Variants in CAPN7 observed in about 807,000 individuals in gnomAD.
The protein encoded by CAPN7 is calpain 7.
Under a neutral mutation model 115.2 loss-of-function variants are expected in CAPN7, and 72 were observed. The ratio of observed to expected loss-of-function variants is 0.63; its 90% CI spans 0.52 to 0.76. The LOEUF is 0.76. CAPN7 is among the 30% of genes least tolerant of loss of function. The pLI is 0.00. For synonymous variants in CAPN7, 344 were observed against 322.3 expected, an observed-to-expected ratio of 1.07 and a Z score of -0.72; for missense variants, 905 against 971.5, an observed-to-expected ratio of 0.93 and a Z score of 0.91.
chr3:15,207,767 C>T (rs1266195662), intron 1 of CAPN7, among the ~76,000 whole-genome samples: 1 of 151,916 alleles, frequency 6.6e-6, no homozygotes, highest in African/African-American at 2.4e-5. Flanking sequence ...TCTTCAGGAG[C>T]AATAACAGGA....
At chr3:15,216,596 T>A (rs1165225269) in intron 2 of CAPN7, among the ~76,000 whole-genome samples, 1 of 152,178 alleles carries the variant, frequency 6.6e-6, no homozygotes, top group Non-Finnish European at 1.5e-5. Flanking sequence ...TGAAAATACA[T>A]AACATATTCT....
rs763323221 is a variant in CAPN7 at position 15,222,784 on chromosome 3, A to C, written c.639-691A>C. ...AAGTTTTCATTATCTTTCCAAAATAAGGCTGTACATAGTCCCAACAATCAT... is the reference window on the plus strand; with the variant it reads ...AAGTTTTCATTATCTTTCCAAAATACGGCTGTACATAGTCCCAACAATCAT... On this transcript the variant is annotated intron_variant, in intron 5 of 20. Coordinates refer to ENST00000253693, the MANE Select transcript of CAPN7 (RefSeq NM_014296.3). Among the ~76,000 whole-genome samples the C allele has an allele frequency of 1.4e-4, 22 of 152,336 alleles. No homozygotes were observed. In the Middle Eastern group the frequency reaches 0.014, roughly 94 times the overall value.
intron 11 of CAPN7, 71 bp downstream of exon 11, chr3:15,234,044 G>T (rs760814315): frequency 3.2e-5 from 27 of 830,982 alleles, no homozygotes; most frequent in Non-Finnish European, 5.4e-5. Flanking sequence ...GGCTGGGCGT[G>T]GTGGGTCATG....
chr3:15,221,037 T>C, intron 5 of CAPN7, 56 bp downstream of exon 5: 1 of 1,386,606 alleles, frequency 7.2e-7, no homozygotes, highest in Non-Finnish European at 1.0e-6. Flanking sequence ...GAATGCAGAA[T>C]TTTATTTTCA....
At position 15,234,982 on chromosome 3, in the gene CAPN7, A is replaced by G. The variant is rs747151720; in HGVS notation, c.1287-43A>G. 16 of 1,563,966 alleles carry G rather than the reference A, an allele frequency of 1.0e-5. No individual in the cohort carries two copies. The South Asian group carries it at 1.7e-4, about 16-fold the overall frequency. On this transcript the variant is annotated intron_variant, in intron 11 of 20. Coordinates refer to ENST00000253693, the MANE Select transcript of CAPN7 (RefSeq NM_014296.3). The stretch of plus-strand genomic sequence containing the variant: ...TAAAATGGTGTGATCTTAGATTACA[A>G]ATGTGTTTTACTTTAATTAATTGTC...
chr3:15,240,675 A>T (rs1695289294), intron 13 of CAPN7, 58 bp downstream of exon 13: 2 of 1,540,990 alleles, frequency 1.3e-6, no homozygotes, highest in South Asian at 2.4e-5. Context: ...ACATGTTTTA[A>T]CAAGACAAAA....
chr3:15,245,168 ACTT>A (rs1695584095), intron 16 of CAPN7, among the ~76,000 whole-genome samples: 1 of 150,840 alleles, frequency 6.6e-6, no homozygotes, highest in Non-Finnish European at 1.5e-5. Context: ...ATTTTTATAT[ACTT>A]CTTTTTATTT....
intron 6 of CAPN7, among the ~76,000 whole-genome samples, chr3:15,227,263 C>G (rs1694376959): frequency 6.6e-6 from 1 of 152,106 alleles, no homozygotes; most frequent in South Asian, 2.1e-4. Context: ...GATTCAGATG[C>G]CAGTTCTGCT....
intron 12 of CAPN7, among the ~76,000 whole-genome samples, chr3:15,239,443 A>T (rs1439472771): frequency 6.6e-6 from 1 of 152,212 alleles, no homozygotes; most frequent in African/African-American, 2.4e-5. Flanking sequence ...TTTACTAAGC[A>T]TTTACCTTTA....
chr3:15,217,831 A>C (rs1164740150), intron 3 of CAPN7, among the ~76,000 whole-genome samples: 1 of 152,258 alleles, frequency 6.6e-6, no homozygotes, highest in Non-Finnish European at 1.5e-5. Flanking sequence ...CTGTTCTTAC[A>C]ACTAAAATAA....
intron 6 of CAPN7, among the ~76,000 whole-genome samples, chr3:15,226,699 T>C (rs1232370145): frequency 6.6e-6 from 1 of 152,184 alleles, no homozygotes; most frequent in Non-Finnish European, 1.5e-5. Flanking sequence ...AGATATGTTA[T>C]ATGCCATATT....
chr3:15,241,621 G>T (rs760314773), intron 15 of CAPN7, 33 bp downstream of exon 15: 1 of 1,591,548 alleles, frequency 6.3e-7, no homozygotes, highest in Non-Finnish European at 8.6e-7. Flanking sequence ...ATCCCATACA[G>T]AAATTTTTTT....
chr3:15,240,650 ATTC>A lies in CAPN7; in HGVS notation c.1552+37_1552+39del, dbSNP rs1409878086. ...TATCTTTTTAATTTTAATACCATTT[ATTC>A]TTCAAAAAAAAACATGTTTTAACAA... On this transcript the variant is annotated intron_variant, in intron 13 of 20. Transcript: ENST00000253693. The A allele has an allele frequency of 4.5e-6, 7 of 1,564,758 alleles. No homozygotes were observed. The Admixed American group carries it at 1.4e-4, about 31-fold the overall frequency.
At chr3:15,212,334 C>T in intron 2 of CAPN7, 122 bp downstream of exon 2, 1 of 560,822 alleles carries the variant, frequency 1.8e-6, no homozygotes. Flanking sequence ...TCTGTTGCTG[C>T]TCATTCCACT....
chr3:15,229,561 CTTTT>C (rs566957976), intron 8 of CAPN7, among the ~76,000 whole-genome samples: 4,379 of 87,886 alleles, frequency 0.05, 429 homozygotes, highest in African/African-American at 0.17. Context: ...TACTTTTTTT[CTTTT>C]TTTTTTTTTT....
chr3:15,242,096 A>AT (rs1416600529), intron 15 of CAPN7, 82 bp from the exon 16 acceptor site: 9 of 885,548 alleles, frequency 1.0e-5, no homozygotes, highest in Middle Eastern at 2.1e-4. Flanking sequence ...GATTTAGAGC[A>AT]TTTTTTTGGA....
At chr3:15,212,679 A>G (rs1353416320) in intron 2 of CAPN7, among the ~76,000 whole-genome samples, 1 of 152,218 alleles carries the variant, frequency 6.6e-6, no homozygotes, top group African/African-American at 2.4e-5. Flanking sequence ...TGGGAAAGTG[A>G]CATGTAAACA....
intron 18 of CAPN7, 193 bp from the exon 19 acceptor site, chr3:15,247,134 G>T (rs750872121): frequency 1.4e-4 from 78 of 577,344 alleles, no homozygotes; most frequent in Non-Finnish European, 2.1e-4. Flanking sequence ...TTGATTAGAG[G>T]CTAAGAGATG....
At chr3:15,248,046 G>A (rs140427505) in intron 19 of CAPN7, among the ~76,000 whole-genome samples, 2 of 151,672 alleles carry the variant, frequency 1.3e-5, no homozygotes, top group African/African-American at 2.4e-5. Flanking sequence ...GAGGGGAGAG[G>A]GATAGCACTG....
Sources: allele counts gnomAD v4.1 joint callset (sites outside exome capture counted in the v4.1 genomes callset), GRCh38; gene constraint gnomAD v4.1.1; transcripts MANE v1.5; gene names NCBI Gene and HGNC (gene_info 2026-07-23, HGNC 2026-07-21).